SV2C: variants seen among roughly 807,000 people sequenced by gnomAD.
SV2C encodes synaptic vesicle glycoprotein 2C, also known as solute carrier family 22 member B3.
Under a neutral mutation model 79.7 loss-of-function variants are expected in SV2C, and 49 were observed. The ratio of observed to expected loss-of-function variants is 0.61; its 90% CI spans 0.49 to 0.78. The LOEUF (loss-of-function observed/expected upper bound fraction) is 0.78, where lower values mean the gene tolerates loss of function less well. SV2C is among the 30% of genes least tolerant of loss of function. The pLI is 0.00. For missense variants in SV2C, 833 were observed against 912.9 expected, an observed-to-expected ratio of 0.91 and a Z score of 1.13; for synonymous variants, 334 against 333.2, an observed-to-expected ratio of 1.00 and a Z score of -0.03.
At chr5:76,147,830 A>G (rs1179772320) in intron 2 of SV2C, among the ~76,000 whole-genome samples, 5 of 152,228 alleles carry the variant, frequency 3.3e-5, no homozygotes, top group Non-Finnish European at 7.3e-5. Flanking sequence ...TTATTTTTTA[A>G]ATGGAAATCA....
the SV2C span, among the ~76,000 whole-genome samples, chr5:76,072,115 A>G: frequency 2.6e-4 from 40 of 152,282 alleles, no homozygotes; most frequent in Admixed American, 2.2e-3. Context: ...AATTTTAAAA[A>G]AACTATAGAT....
the SV2C span, among the ~76,000 whole-genome samples, chr5:75,988,091 C>G: frequency 6.6e-6 from 1 of 152,020 alleles, no homozygotes; most frequent in Non-Finnish European, 1.5e-5. Context: ...TCCTCCCAGA[C>G]TTTCACTGTG....
intron 2 of SV2C, among the ~76,000 whole-genome samples, chr5:76,184,670 C>T (rs1343573562): frequency 1.3e-5 from 2 of 152,200 alleles, no homozygotes; most frequent in Non-Finnish European, 2.9e-5. Flanking sequence ...CTCATGAGAA[C>T]TCACTGAGTA....
intron 1 of SV2C, among the ~76,000 whole-genome samples, chr5:76,100,414 G>A (rs561752581): frequency 1.6e-4 from 24 of 152,314 alleles, no homozygotes; most frequent in African/African-American, 5.8e-4. Flanking sequence ...GAGATAAAAA[G>A]TCACACTAGT....
chr5:76,194,794 T>C, intron 2 of SV2C, 125 bp from the exon 3 acceptor site: 1 of 1,182,210 alleles, frequency 8.5e-7, no homozygotes. Flanking sequence ...CTGAAGGTTA[T>C]ATTTTTAAAG....
upstream of SV2C, among the ~76,000 whole-genome samples, chr5:76,082,610 C>G (rs1363388908): frequency 7.0e-6 from 1 of 143,770 alleles, no homozygotes; most frequent in Admixed American, 7.0e-5. Context: ...TCCTCCTCCT[C>G]TCTCTCTCTC....
the SV2C span, among the ~76,000 whole-genome samples, chr5:75,942,446 G>A: frequency 1.3e-5 from 2 of 152,174 alleles, no homozygotes; most frequent in Non-Finnish European, 2.9e-5. Flanking sequence ...TAGACCATGA[G>A]ACAGAAACTG....
chr5:75,851,788 T>G, the SV2C span, among the ~76,000 whole-genome samples: 2 of 152,244 alleles, frequency 1.3e-5, no homozygotes, highest in Non-Finnish European at 2.9e-5. Context: ...CAGCTGGGAC[T>G]ACAGGCGCAT....
chr5:75,907,030 G>A, the SV2C span, among the ~76,000 whole-genome samples: 1 of 152,168 alleles, frequency 6.6e-6, no homozygotes, highest in Non-Finnish European at 1.5e-5. Flanking sequence ...AGTGCTGGTG[G>A]AGATGTTTCA....
intron 2 of SV2C, chr5:76,173,947 T>A (rs997196640): frequency 1.3e-6 from 2 of 1,570,372 alleles, no homozygotes; most frequent in East Asian, 4.5e-5. Flanking sequence ...AATAAACTAA[T>A]GCAAACCCTT....
rs116929440 is a variant in SV2C at position 76,218,990 on chromosome 5, T to G, written c.913+9103T>G. Among the ~76,000 whole-genome samples, 293 of 152,318 alleles carry G rather than the reference T, an allele frequency of 1.9e-3. 10 individuals carry two copies. In the East Asian group the frequency reaches 0.055, roughly 28 times the overall value. On this transcript the variant is annotated intron_variant, in intron 4 of 12. Transcript: ENST00000502798. ...CACCTGTCATTTGAAGTTGTGGAGA[T>G]GGATAAGAAAGATTAGAAGTACAGG...
the SV2C span, among the ~76,000 whole-genome samples, chr5:75,850,546 A>G: frequency 1.3e-5 from 2 of 152,156 alleles, no homozygotes; most frequent in East Asian, 3.8e-4. Context: ...CTAATGTCAT[A>G]GGTAGGTAGT....
the SV2C span, among the ~76,000 whole-genome samples, chr5:76,077,470 CATAAA>C: frequency 6.6e-6 from 1 of 152,108 alleles, no homozygotes; most frequent in Non-Finnish European, 1.5e-5. Context: ...TTTTTAAAAA[CATAAA>C]ATAAGAGGGC....
At chr5:75,921,360 T>A in the SV2C span, 1 of 977,098 alleles carries the variant, frequency 1.0e-6, no homozygotes, top group South Asian at 1.3e-5. Flanking sequence ...CTGCTGTCCT[T>A]TGGGGGGTGC....
At chr5:76,178,713 T>C (rs1248509460) in intron 2 of SV2C, among the ~76,000 whole-genome samples, 1 of 152,230 alleles carries the variant, frequency 6.6e-6, no homozygotes. Context: ...TTTTCCTTGT[T>C]TTTCTTGTTT....
At chr5:76,219,390 A>G (rs1745002021) in intron 4 of SV2C, among the ~76,000 whole-genome samples, 1 of 152,230 alleles carries the variant, frequency 6.6e-6, no homozygotes. Context: ...TGCAATAATA[A>G]GATGCATCAG....
chr5:75,996,395 T>G, the SV2C span, among the ~76,000 whole-genome samples: 1 of 152,210 alleles, frequency 6.6e-6, no homozygotes, highest in Admixed American at 6.5e-5. Context: ...AGCCTTGTAG[T>G]ATAGTTTGAA....
chr5:76,033,608 T>G, the SV2C span, among the ~76,000 whole-genome samples: 2 of 152,326 alleles, frequency 1.3e-5, no homozygotes, highest in South Asian at 2.1e-4. Context: ...TTGATCTATA[T>G]CTCTGTTTTG....
the SV2C span, among the ~76,000 whole-genome samples, chr5:76,013,353 A>C: frequency 6.6e-6 from 1 of 152,050 alleles, no homozygotes; most frequent in Admixed American, 6.6e-5. Context: ...TAGGTATTTT[A>C]TTCTCTTTGA....
Sources: allele counts gnomAD v4.1 joint callset (sites outside exome capture counted in the v4.1 genomes callset), GRCh38; gene constraint gnomAD v4.1.1; transcripts MANE v1.5; gene names NCBI Gene and HGNC (gene_info 2026-07-23, HGNC 2026-07-21).